The following TFB1M variants were observed in gnomAD, a reference collection of about 807,000 sequenced individuals.
The protein encoded by TFB1M is dimethyladenosine transferase 1, mitochondrial.
Under a neutral mutation model 31.1 loss-of-function variants are expected in TFB1M, and 27 were observed. That is an observed-to-expected ratio of 0.87 (90% confidence interval 0.64 to 1.20). TFB1M has a LOEUF of 1.20. Ranked by LOEUF, TFB1M falls within the 50% of genes most tolerant of loss-of-function variation. The pLI, the probability that TFB1M is intolerant of heterozygous loss-of-function variation, is 0.00. For synonymous variants in TFB1M, 166 were observed against 151.8 expected (o/e 1.09, Z -0.69); for missense variants, 394 against 418.7 (o/e 0.94, Z 0.51).
intron 5 of TFB1M, among the ~76,000 whole-genome samples, chr6:155,283,778 T>C (rs527635806): frequency 1.3e-5 from 2 of 152,370 alleles, no homozygotes; most frequent in South Asian, 4.1e-4. Flanking sequence ...AGTCTTACAC[T>C]ATTTAAAATG....
chr6:155,286,985 G>A (rs186759050), intron 4 of TFB1M, among the ~76,000 whole-genome samples: 7,612 of 151,950 alleles, frequency 0.05, 258 homozygotes, highest in East Asian at 0.18. Flanking sequence ...ATAGCTAATA[G>A]AATATATAAG....
chr6:155,302,645 G>A (rs1045202856), intron 2 of TFB1M, among the ~76,000 whole-genome samples: 13 of 151,972 alleles, frequency 8.6e-5, no homozygotes, highest in Non-Finnish European at 2.9e-5. Context: ...ATAACCACTC[G>A]TATCTTAAAT....
intron 5 of TFB1M, chr6:155,260,810 C>A: frequency 3.0e-6 from 1 of 328,186 alleles, no homozygotes; most frequent in South Asian, 2.6e-5. Flanking sequence ...GGCAGACAGG[C>A]CCCCAGGGAC....
intron 2 of TFB1M, among the ~76,000 whole-genome samples, chr6:155,306,102 C>T (rs188085245): frequency 6.6e-6 from 1 of 151,924 alleles, no homozygotes; most frequent in Non-Finnish European, 1.5e-5. Flanking sequence ...CATCGTATGT[C>T]CAGTATTATT....
chr6:155,260,544 C>G, intron 5 of TFB1M, 144 bp from the exon 6 acceptor site: 1 of 1,028,316 alleles, frequency 9.7e-7, no homozygotes, highest in Admixed American at 2.0e-5. Context: ...TCGGTTTCAT[C>G]TCTAGGCATG....
Position 155,256,421 on chromosome 6 carries a change from C to A in TFB1M, c.*1415G>T. The A allele has an allele frequency of 6.2e-7, 1 of 1,602,814 alleles. No individual in the cohort carries two copies. Among genetic ancestry groups the A allele is most frequent in the Non-Finnish European group, 8.5e-7 (1 of 1,174,694 alleles). The stretch of plus-strand genomic sequence containing the variant: ...GTTAAATCTTACACAAGCTTTGAGG[C>A]AAACATTACACATTGTGTAACCTGT... On this transcript the variant is annotated 3_prime_UTR_variant, in exon 7 of 7. Transcript: ENST00000367166.
intron 4 of TFB1M, among the ~76,000 whole-genome samples, chr6:155,287,545 ACT>A (rs1776718072): frequency 1.2e-5 from 1 of 80,314 alleles, no homozygotes; most frequent in Non-Finnish European, 2.4e-5. Context: ...CCTATCATTT[ACT>A]CTGAGTGTGT....
chr6:155,301,631 CTT>C (rs1219747798), intron 2 of TFB1M, among the ~76,000 whole-genome samples: 2 of 152,316 alleles, frequency 1.3e-5, no homozygotes, highest in East Asian at 3.9e-4. Context: ...CTCTCAAACT[CTT>C]CTTTCATTTT....
intron 5 of TFB1M, among the ~76,000 whole-genome samples, chr6:155,266,769 C>T (rs1784653693): frequency 7.0e-6 from 1 of 143,726 alleles, no homozygotes; most frequent in Non-Finnish European, 1.5e-5. Context: ...ATGGCGTGAG[C>T]CTGGGAGGCG....
the TFB1M span, among the ~76,000 whole-genome samples, chr6:155,244,271 G>A: frequency 7.9e-5 from 12 of 152,210 alleles, no homozygotes; most frequent in African/African-American, 2.9e-4. Context: ...CCCAGTGGCA[G>A]AGTGTTTACA....
intron 1 of TFB1M, among the ~76,000 whole-genome samples, chr6:155,313,739 A>T (rs1000815967): frequency 9.9e-5 from 15 of 152,188 alleles, no homozygotes; most frequent in African/African-American, 3.6e-4. Context: ...TCACGCCCAT[A>T]TCCTACCCCC....
At chr6:155,302,062 T>C (rs1031053513) in intron 2 of TFB1M, among the ~76,000 whole-genome samples, 5 of 152,180 alleles carry the variant, frequency 3.3e-5, no homozygotes, top group African/African-American at 4.8e-5. Context: ...GGGCAAGTAA[T>C]TGTGGTTTGG....
At chr6:155,298,440 T>G in intron 3 of TFB1M, 37 bp downstream of exon 3, 1 of 1,035,152 alleles carries the variant, frequency 9.7e-7, no homozygotes, top group Non-Finnish European at 1.5e-6. Flanking sequence ...TAAATAATCA[T>G]AAAAGAAATG....
intron 4 of TFB1M, among the ~76,000 whole-genome samples, chr6:155,294,161 T>C (rs1562414572): frequency 6.6e-6 from 1 of 152,164 alleles, no homozygotes; most frequent in Non-Finnish European, 1.5e-5. Context: ...ATGTTAAAAA[T>C]AGTAAAATTG....
intron 5 of TFB1M, among the ~76,000 whole-genome samples, chr6:155,270,618 C>T (rs558693738): frequency 1.3e-5 from 2 of 152,200 alleles, no homozygotes; most frequent in African/African-American, 2.4e-5. Context: ...TAGAAATGTA[C>T]ATTAAATGTA....
At chr6:155,250,520 C>G in the TFB1M span, 1 of 1,534,064 alleles carries the variant, frequency 6.5e-7, no homozygotes, top group African/African-American at 1.4e-5. Context: ...AGTTTCAATG[C>G]TGGTGCTCTT....
intron 5 of TFB1M, among the ~76,000 whole-genome samples, chr6:155,265,214 C>G (rs1368039291): frequency 6.6e-6 from 1 of 152,156 alleles, no homozygotes; most frequent in Non-Finnish European, 1.5e-5. Flanking sequence ...TGTGGCAGCA[C>G]ATTGGCAACT....
chr6:155,300,600 G>A (rs1777381727), intron 2 of TFB1M, among the ~76,000 whole-genome samples: 1 of 152,126 alleles, frequency 6.6e-6, no homozygotes, highest in Admixed American at 6.5e-5. Flanking sequence ...AATAGCTTAA[G>A]TCTCATGATG....
chr6:155,280,517 G>A (rs1785446563), intron 5 of TFB1M, among the ~76,000 whole-genome samples: 1 of 152,118 alleles, frequency 6.6e-6, no homozygotes, highest in Non-Finnish European at 1.5e-5. Flanking sequence ...CTCTTCCCCT[G>A]CCCTTTCCTG....
Sources: gnomAD v4.1 joint callset for allele counts (sites outside exome capture counted in the v4.1 genomes callset) on GRCh38, gnomAD v4.1.1 for gene constraint, MANE v1.5 for transcripts, NCBI Gene and HGNC (gene_info 2026-07-23, HGNC 2026-07-21) for gene names.